The following SPRYD3 variants were observed in gnomAD, a reference collection of about 807,000 sequenced individuals.
The protein encoded by SPRYD3 is SPRY domain containing 3.
In SPRYD3, 17 loss-of-function variants were observed where a neutral mutation model predicts 50.1. The observed-to-expected ratio is 0.34, with a 90% confidence interval of 0.23 to 0.51. The LOEUF (loss-of-function observed/expected upper bound fraction) is 0.51, where lower values mean the gene tolerates loss of function less well. Among genes scored for constraint, SPRYD3 ranks in the 20% least tolerant of loss-of-function variants. The pLI is 0.97. For missense variants in SPRYD3, 401 were observed against 591.2 expected (o/e 0.68, Z 3.34); for synonymous variants, 198 against 215.5 (o/e 0.92, Z 0.71).
intron 8 of SPRYD3, among the ~76,000 whole-genome samples, chr12:53,067,394 G>A (rs1396482237): frequency 6.6e-6 from 1 of 152,164 alleles, no homozygotes; most frequent in Non-Finnish European, 1.5e-5. Flanking sequence ...GAAGGGCACG[G>A]GGGGACCAGC....
intron 6 of SPRYD3, among the ~76,000 whole-genome samples, chr12:53,071,407 C>T (rs1944548758): frequency 1.3e-5 from 2 of 152,302 alleles, no homozygotes; most frequent in Admixed American, 6.5e-5. Context: ...CCTCACTTTG[C>T]GAGGCCTGGA....
intron 6 of SPRYD3, among the ~76,000 whole-genome samples, chr12:53,068,991 G>A (rs1565617170): frequency 6.6e-6 from 1 of 152,132 alleles, no homozygotes; most frequent in Non-Finnish European, 1.5e-5. Context: ...GACAGAGGCA[G>A]GCTTAGCTGT....
intron 8 of SPRYD3, among the ~76,000 whole-genome samples, chr12:53,067,308 TCA>T (rs1304487833): frequency 6.6e-6 from 1 of 151,560 alleles, no homozygotes; most frequent in Non-Finnish European, 1.5e-5. Flanking sequence ...AACTCTAGGC[TCA>T]GTTTTCTTCT....
Position 53,074,759 on chromosome 12 carries a change from G to A in SPRYD3, c.397C>T (p.Arg133Cys), listed in dbSNP as rs147084619. 1.5e-5 allele frequency: 25 copies of A among 1,614,114 alleles called. No individual in the cohort carries two copies. Among genetic ancestry groups the A allele is most frequent in the South Asian group, 5.5e-5 (5 of 91,090 alleles). Residue 133 changes from arginine (R) to cysteine (C), a missense_variant, in exon 5 of 11, where the codon CGC becomes TGC. By Grantham distance (180) the Arg-to-Cys change is radical. Coordinates refer to ENST00000301463, the MANE Select transcript of SPRYD3 (RefSeq NM_032840.3). This position sits in a 1 kb window ranked among gnomAD's most constrained non-coding sequence, Gnocchi z 4.6. ...GKLYNGRAKGRQFGSKCNSGD... is the reference protein window; with the variant it reads ...GKLYNGRAKGCQFGSKCNSGD... ...GAGTTGCACTTTGACCCAAACTGGC[G>A]GCCCTTGGCTCGGCCATTGTACAGC...
At chr12:53,066,547 T>A (rs1944510047) in intron 9 of SPRYD3, 26 bp downstream of exon 9, 1 of 1,613,844 alleles carries the variant, frequency 6.2e-7, no homozygotes, top group Non-Finnish European at 8.5e-7. Flanking sequence ...CCAAGCAGCC[T>A]GGCTGGCCAC....
In SPRYD3 at chr12:53,077,272, G is replaced by A. The variant is rs1592267316; in HGVS notation, c.24-11C>T. ...TTCATGAGAACAAACCTGCCAAGGG[G>A]AGAAGGGGATTGAGGAGAAAGCAGG... On this transcript the variant is annotated splice_polypyrimidine_tract_variant and intron_variant, in intron 1 of 10. Transcript: ENST00000301463. 4 of 1,614,134 alleles carry A rather than the reference G, an allele frequency of 2.5e-6. No individual in the cohort carries two copies. Among genetic ancestry groups the A allele is most frequent in the East Asian group, 4.5e-5 (2 of 44,880 alleles).
chr12:53,066,122 G>A (rs1226062688), intron 10 of SPRYD3, among the ~76,000 whole-genome samples, 156 bp from the exon 11 acceptor site: 5 of 152,112 alleles, frequency 3.3e-5, no homozygotes, highest in African/African-American at 9.7e-5. Context: ...ACCAGAGGGC[G>A]TGCTGAGGCC....
At chr12:53,076,095 G>C (rs1277321809) in intron 2 of SPRYD3, among the ~76,000 whole-genome samples, 1 of 152,198 alleles carries the variant, frequency 6.6e-6, no homozygotes, top group Non-Finnish European at 1.5e-5. Flanking sequence ...TTGCCTAAGA[G>C]AGGTCTCACA....
Position 53,077,125 on chromosome 12 carries a change from C to G in SPRYD3, c.160G>C (p.Asp54His), listed in dbSNP as rs773586966. Residue 54 changes from aspartate (D) to histidine (H), a missense_variant, in exon 2 of 11, where the codon GAT becomes CAT. Physicochemically the swap from Asp to His is moderately conservative, Grantham distance 81 (BLOSUM62 -1). Transcript: ENST00000301463. ...TTCTCCTGAACTCACCTTAAAGTAT[C>G]TCCATCTACAAGGATATGTTTGAAC... ...ERFKHILVDG[D>H]TLSYHGNSGE... 1.2e-6 allele frequency: 2 copies of G among 1,613,998 alleles called. No homozygotes were observed. The highest frequency in any genetic ancestry group is 2.7e-5 in the African/African-American group (2 of 74,906).
chr12:53,070,249 A>G (rs1196819482), intron 6 of SPRYD3, among the ~76,000 whole-genome samples: 2 of 152,128 alleles, frequency 1.3e-5, no homozygotes, highest in African/African-American at 2.4e-5. Context: ...TCACAGTGAA[A>G]GCCATCATAA....
chr12:53,079,246 G>A (rs940520876), intron 1 of SPRYD3, 65 bp downstream of exon 1: 6 of 1,274,756 alleles, frequency 4.7e-6, no homozygotes, highest in African/African-American at 4.5e-5. Context: ...CAGGACCCCC[G>A]CCTTCCGCTT....
chr12:53,073,820 G>A (rs939794626), intron 5 of SPRYD3, among the ~76,000 whole-genome samples: 1 of 150,296 alleles, frequency 6.7e-6, no homozygotes, highest in Admixed American at 6.6e-5. Flanking sequence ...CTCCAGCCTG[G>A]GGGACAGAGC....
chr12:53,066,423 A>G lies in SPRYD3; in HGVS notation c.1085T>C (p.Val362Ala). The change falls in exon 10 of 11, where the codon GTG becomes GCG. Residue 362 changes from valine (V) to alanine (A), a missense_variant. Coordinates refer to ENST00000301463, the MANE Select transcript of SPRYD3 (RefSeq NM_032840.3). ...LSPTARAVRN[V>A]RNVMYLHQEG... ...CTGGTGCAGGTACATGACATTCCGC[A>G]CGTTCCGGACGGCCCGGGCAGTCGG... The G allele has an allele frequency of 2.5e-6, 4 of 1,613,776 alleles. No homozygotes were observed. Among genetic ancestry groups the G allele is most frequent in the Non-Finnish European group, 3.4e-6 (4 of 1,179,952 alleles).
rs1450015803 is a variant in SPRYD3 at position 53,074,796 on chromosome 12, G to A, written c.372-12C>T. 4 of 1,614,046 alleles carry A rather than the reference G, an allele frequency of 2.5e-6. No homozygotes were observed. In the Admixed American group the frequency reaches 6.7e-5, roughly 27 times the overall value. On this transcript the variant is annotated splice_polypyrimidine_tract_variant and intron_variant, in intron 4 of 10. Transcript: ENST00000301463. This position sits in a 1 kb window ranked among gnomAD's most constrained non-coding sequence, Gnocchi z 4.6. ...GGCCATTGTACAGCCTACAGACAGA[G>A]TAGTACAGACACAGGACCCGAGCCT...
intron 6 of SPRYD3, 44 bp from the exon 7 acceptor site, chr12:53,068,348 C>A: frequency 2.5e-6 from 4 of 1,605,412 alleles, no homozygotes; most frequent in Non-Finnish European, 3.4e-6. Flanking sequence ...CAGGCTGACA[C>A]CCACCCTGGA....
chr12:53,075,872 C>T, intron 2 of SPRYD3, 61 bp from the exon 3 acceptor site: 1 of 1,349,416 alleles, frequency 7.4e-7, no homozygotes, highest in South Asian at 1.2e-5. Flanking sequence ...GGGGGAGGGC[C>T]TCAGCTTCTC....
intron 6 of SPRYD3, 140 bp from the exon 7 acceptor site, chr12:53,068,444 A>C: frequency 9.7e-6 from 10 of 1,033,582 alleles, no homozygotes; most frequent in Non-Finnish European, 1.3e-5. Flanking sequence ...TAGAGATACA[A>C]TGTGGCCCCA....
At chr12:53,068,380 G>A in intron 6 of SPRYD3, 76 bp from the exon 7 acceptor site, 1 of 1,545,294 alleles carries the variant, frequency 6.5e-7, no homozygotes, top group African/African-American at 1.4e-5. Flanking sequence ...AAGGCAGTCT[G>A]GGTCCCACTT....
intron 6 of SPRYD3, among the ~76,000 whole-genome samples, chr12:53,071,844 C>A (rs1287084534): frequency 6.6e-6 from 1 of 152,150 alleles, no homozygotes; most frequent in Non-Finnish European, 1.5e-5. Context: ...GTGCTCCCAC[C>A]CTGCCACCTG....
Sources: allele counts gnomAD v4.1 joint callset (sites outside exome capture counted in the v4.1 genomes callset), GRCh38; gene constraint gnomAD v4.1.1; non-coding constraint Gnocchi (gnomAD v3.1); transcripts MANE v1.5; gene names NCBI Gene and HGNC (gene_info 2026-07-23, HGNC 2026-07-21).